Variants in IL20RA observed in about 807,000 individuals in gnomAD.
IL20RA encodes interleukin-20 receptor subunit alpha.
IL20RA carries 29 observed loss-of-function variants against 36.5 expected under a neutral mutation model. The ratio of observed to expected loss-of-function variants is 0.79; its 90% confidence interval spans 0.59 to 1.08. The LOEUF is 1.08. Among genes scored for constraint, IL20RA ranks in the 50% least tolerant of loss-of-function variants. The pLI, the probability that IL20RA is intolerant of heterozygous loss-of-function variation, is 0.00. For missense variants in IL20RA, 652 were observed against 668.4 expected (o/e 0.98, Z 0.27); for synonymous variants, 279 against 267.1 (o/e 1.04, Z -0.43).
At chr6:137,022,330 C>T (rs1480740079) in intron 1 of IL20RA, among the ~76,000 whole-genome samples, 2 of 152,082 alleles carry the variant, frequency 1.3e-5, no homozygotes, top group Admixed American at 6.5e-5. Flanking sequence ...ATGGTGACCA[C>T]GAAGGTAGGG....
chr6:137,032,461 G>A (rs1401705536), intron 1 of IL20RA, among the ~76,000 whole-genome samples: 1 of 152,166 alleles, frequency 6.6e-6, no homozygotes, highest in African/African-American at 2.4e-5. Flanking sequence ...TGCCCACAGA[G>A]GGCAGTGGAC....
intron 1 of IL20RA, among the ~76,000 whole-genome samples, chr6:137,025,407 A>C (rs1431423521): frequency 6.6e-6 from 1 of 152,172 alleles, no homozygotes; most frequent in Non-Finnish European, 1.5e-5. Context: ...ATCTGCCTTG[A>C]TCTTGGACTT....
At chr6:137,030,541 A>G (rs1380537740) in intron 1 of IL20RA, among the ~76,000 whole-genome samples, 1 of 152,152 alleles carries the variant, frequency 6.6e-6, no homozygotes, top group Admixed American at 6.6e-5. Flanking sequence ...TTACTCATAA[A>G]GACCACATGT....
At chr6:137,017,818 T>C (rs1251140840) in intron 1 of IL20RA, among the ~76,000 whole-genome samples, 4 of 152,162 alleles carry the variant, frequency 2.6e-5, no homozygotes, top group Non-Finnish European at 5.9e-5. Flanking sequence ...AACTGTATCC[T>C]AGAGGATTAA....
At chr6:137,019,576 G>C (rs1775827832) in intron 1 of IL20RA, among the ~76,000 whole-genome samples, 1 of 152,112 alleles carries the variant, frequency 6.6e-6, no homozygotes, top group African/African-American at 2.4e-5. Flanking sequence ...GCTGTCATAA[G>C]GAAACAAAGC....
chr6:137,032,843 G>A (rs1225394583), intron 1 of IL20RA, among the ~76,000 whole-genome samples: 2 of 152,160 alleles, frequency 1.3e-5, no homozygotes, highest in Non-Finnish European at 2.9e-5. Context: ...CCTTGATAAA[G>A]TTGTGTAACT....
At position 137,000,562 on chromosome 6, in the gene IL20RA, C is replaced by A. The variant is rs1313734893; in HGVS notation, c.*996G>T. On this transcript the variant is annotated 3_prime_UTR_variant, in exon 7 of 7. Transcript: ENST00000316649. ...GTAAATTTCATCAAATTTTAATAAA[C>A]TCTCCCTTACATAGTCATTTAACTC... is the stretch of plus-strand genomic sequence containing the variant. The A allele has an allele frequency of 6.6e-6, 1 of 152,156 alleles. No individual in the cohort carries two copies. The highest frequency in any genetic ancestry group is 1.5e-5 in the Non-Finnish European group (1 of 68,016). The allele number at this position is 152,156 out of a possible 1,614,324, so 9.4% of individuals were successfully genotyped here.
At position 137,044,730 on chromosome 6, in the gene IL20RA, G is replaced by A. The variant is rs2115437654; in HGVS notation, c.-2C>T. On this transcript the variant is annotated 5_prime_UTR_variant, in exon 1 of 7. Transcript: ENST00000316649. ...GGCCGGGCGGCCGGGAGCCCGCATG[G>A]GCGGCGGGGCTGGGTCACATGTCGG... 8.2e-7 allele frequency: 1 copy of A among 1,217,370 alleles called. No homozygotes were observed. Among genetic ancestry groups the A allele is most frequent in the East Asian group, 3.3e-5 (1 of 30,224 alleles). 75.4% of individuals were successfully genotyped at this position (1,217,370 alleles called of 1,614,324 possible).
intron 1 of IL20RA, among the ~76,000 whole-genome samples, chr6:137,038,491 T>C (rs1041593198): frequency 6.6e-6 from 1 of 152,146 alleles, no homozygotes; most frequent in African/African-American, 2.4e-5. Flanking sequence ...CCCATTGCCC[T>C]TGGCCTTGTT....
At chr6:137,040,574 A>G (rs1776654877) in intron 1 of IL20RA, among the ~76,000 whole-genome samples, 1 of 152,250 alleles carries the variant, frequency 6.6e-6, no homozygotes. Flanking sequence ...AGAGGGACAC[A>G]GGAGCCAAAC....
intron 1 of IL20RA, among the ~76,000 whole-genome samples, chr6:137,033,314 C>G (rs1286122121): frequency 6.6e-6 from 1 of 152,204 alleles, no homozygotes; most frequent in African/African-American, 2.4e-5. Context: ...CACCCTAATT[C>G]TGGGATGATT....
At chr6:137,021,240 G>GGGGTC (rs1775892555) in intron 1 of IL20RA, among the ~76,000 whole-genome samples, 2 of 152,072 alleles carry the variant, frequency 1.3e-5, no homozygotes, top group Non-Finnish European at 2.9e-5. Context: ...GAAATAGATG[G>GGGGTC]TTCTTACTAC....
At position 137,001,865 on chromosome 6, in the gene IL20RA, G is replaced by C. The variant is rs147020946; in HGVS notation, c.1355C>G (p.Pro452Arg). The change falls in exon 7 of 7, where the codon CCT becomes CGT. Residue 452 changes from proline to arginine, a missense_variant. Transcript: ENST00000316649. ...GPQTLQYSYTPQLQDLDPLAQ... is the reference protein window; with the variant it reads ...GPQTLQYSYTRQLQDLDPLAQ... ...CAGGGGGTCTAAGTCTTGGAGCTGAGGGGTGTATGAGTACTGTAACGTTTG... is the reference window on the plus strand; with the variant it reads ...CAGGGGGTCTAAGTCTTGGAGCTGACGGGTGTATGAGTACTGTAACGTTTG... 1.9e-5 allele frequency: 30 copies of C among 1,613,540 alleles called. No individual in the cohort carries two copies. Among genetic ancestry groups the C allele is most frequent in the Middle Eastern group, 1.6e-4 (1 of 6,082 alleles).
At chr6:137,037,340 A>G (rs1369586808) in intron 1 of IL20RA, among the ~76,000 whole-genome samples, 1 of 152,250 alleles carries the variant, frequency 6.6e-6, no homozygotes. Flanking sequence ...TTTATAGTCA[A>G]TAAAAATTGT....
At position 137,020,856 on chromosome 6, in the gene IL20RA, G is replaced by A. The variant is rs75421321; in HGVS notation, c.89-3753C>T. ...CTGCAGTTTCTTCCTTTGGATTGAC[G>A]TTATCTTTCTGATGGCAGAGGCAGA... On this transcript the variant is annotated intron_variant, in intron 1 of 6. Transcript: ENST00000316649. 1.2e-4 allele frequency among the ~76,000 whole-genome samples: 19 copies of A among 152,204 alleles called. No homozygotes were observed. The East Asian group carries it at 3.3e-3, about 26-fold the overall frequency.
At position 137,001,569 on chromosome 6, in the gene IL20RA, T is replaced by G; in HGVS notation, c.1651A>C (p.Met551Leu). The G allele has an allele frequency of 1.3e-6, 2 of 1,551,848 alleles. No individual in the cohort carries two copies. The highest frequency in any genetic ancestry group is 2.4e-5 in the South Asian group (2 of 82,688). ...AGGAAGTGTTGGCATCAGTTTTCCATCTGCACATATAACCCCCATTCCTCC... is the reference window on the plus strand; with the variant it reads ...AGGAAGTGTTGGCATCAGTTTTCCAGCTGCACATATAACCCCCATTCCTCC... ...FMEEWGLYVQMEN is the reference protein window; with the variant it reads ...FMEEWGLYVQLEN Residue 551 changes from methionine (M) to leucine (L), a missense_variant, in exon 7 of 7, where the codon ATG becomes CTG. Transcript: ENST00000316649.
intron 3 of IL20RA, among the ~76,000 whole-genome samples, chr6:137,010,081 A>T (rs1775432255): frequency 6.6e-6 from 1 of 152,234 alleles, no homozygotes; most frequent in African/African-American, 2.4e-5. Flanking sequence ...TAAACAGTAG[A>T]TGGTTAATAC....
intron 2 of IL20RA, among the ~76,000 whole-genome samples, chr6:137,015,380 T>A (rs1775647331): frequency 6.6e-6 from 1 of 152,220 alleles, no homozygotes; most frequent in Non-Finnish European, 1.5e-5. Flanking sequence ...TGTTTTCTCT[T>A]CTTTGAGTTT....
At chr6:137,006,686 A>G (rs904475409) in intron 5 of IL20RA, among the ~76,000 whole-genome samples, 10 of 152,070 alleles carry the variant, frequency 6.6e-5, no homozygotes, top group Non-Finnish European at 1.5e-5. Flanking sequence ...ACGGGTTCAG[A>G]ACCAGAAATA....
Sources: gnomAD v4.1 joint callset for allele counts (sites outside exome capture counted in the v4.1 genomes callset) on GRCh38, gnomAD v4.1.1 for gene constraint, MANE v1.5 for transcripts, NCBI Gene and HGNC (gene_info 2026-07-23, HGNC 2026-07-21) for gene names.